Variants in PTPRQ observed in about 807,000 individuals in gnomAD.
PTPRQ encodes the protein phosphatidylinositol phosphatase PTPRQ.
In PTPRQ, 199 loss-of-function variants were observed where a neutral mutation model predicts 246.0. The ratio of observed to expected loss-of-function variants is 0.81; its 90% CI spans 0.72 to 0.91. The LOEUF (loss-of-function observed/expected upper bound fraction) is 0.91, where lower values mean the gene tolerates loss of function less well. PTPRQ is among the 40% of genes least tolerant of loss of function. PTPRQ has a pLI of 0.00. For synonymous variants in PTPRQ, 869 were observed against 853.2 expected, an observed-to-expected ratio of 1.02 and a Z score of -0.32; for missense variants, 2,624 against 2,528.4, an observed-to-expected ratio of 1.04 and a Z score of -0.81.
At chr12:80,503,569 A>G (rs1232460296) in intron 14 of PTPRQ, among the ~76,000 whole-genome samples, 1 of 151,834 alleles carries the variant, frequency 6.6e-6, no homozygotes, top group Non-Finnish European at 1.5e-5. Flanking sequence ...TAGAATACTA[A>G]TAAAAAGTTT....
At chr12:80,501,544 T>C (rs1434480832) in intron 14 of PTPRQ, among the ~76,000 whole-genome samples, 1 of 151,878 alleles carries the variant, frequency 6.6e-6, no homozygotes, top group East Asian at 1.9e-4. Context: ...AATATATAAT[T>C]TGGAGCCTCA....
intron 35 of PTPRQ, among the ~76,000 whole-genome samples, chr12:80,639,888 G>A (rs1350911720): frequency 6.6e-6 from 1 of 152,104 alleles, no homozygotes; most frequent in South Asian, 2.1e-4. Flanking sequence ...CTTAGTGGTA[G>A]GTACACCTAT....
intron 8 of PTPRQ, 34 bp from the exon 9 acceptor site, chr12:80,484,399 C>CT: frequency 7.2e-7 from 1 of 1,397,130 alleles, no homozygotes; most frequent in Non-Finnish European, 9.3e-7. Context: ...TTTTAATTTC[C>CT]CCCTTTTCTT....
intron 7 of PTPRQ, among the ~76,000 whole-genome samples, chr12:80,470,952 T>A (rs1474962085): frequency 6.6e-6 from 1 of 152,170 alleles, no homozygotes; most frequent in South Asian, 2.1e-4. Context: ...TCTGAAAAAC[T>A]AGATTATTTA....
chr12:80,561,928 C>T (rs1370781377), intron 25 of PTPRQ, among the ~76,000 whole-genome samples: 3 of 151,986 alleles, frequency 2.0e-5, no homozygotes, highest in Admixed American at 6.5e-5. Flanking sequence ...TCCTCTTTAT[C>T]GAGTTGAGGA....
chr12:80,484,832 T>G lies in PTPRQ; in HGVS notation c.1359+227T>G, dbSNP rs896737400. On this transcript the variant is annotated intron_variant, in intron 9 of 44. Transcript: ENST00000644991. The stretch of plus-strand genomic sequence containing the variant: ...CTTTTCATCATATGAAAAATGTTAA[T>G]TGTGCAATTAAACAGGACTAAAGGT... Among the ~76,000 whole-genome samples, 63 of 152,168 alleles carry G rather than the reference T, an allele frequency of 4.1e-4. 1 individual carries two copies. Among genetic ancestry groups the G allele is most frequent in the African/African-American group, 1.4e-3 (60 of 41,458 alleles).
intron 19 of PTPRQ, among the ~76,000 whole-genome samples, chr12:80,538,962 C>T (rs536240947): frequency 2.6e-5 from 4 of 152,014 alleles, no homozygotes; most frequent in Non-Finnish European, 5.9e-5. Context: ...ACTTAAATGG[C>T]TTCATGTGGA....
Position 80,519,527 on chromosome 12 carries a change from G to A in PTPRQ, c.2678+9084G>A, listed in dbSNP as rs1254007530. Reference sequence around the variant, plus strand: ...TGTGCCTCCAGCAAAGACCGGAGATGGGCACTTTGAAGGAGGAGGGATCGG... The same window carrying A: ...TGTGCCTCCAGCAAAGACCGGAGATAGGCACTTTGAAGGAGGAGGGATCGG... On this transcript the variant is annotated intron_variant, in intron 17 of 44. Coordinates refer to ENST00000644991, the MANE Select transcript of PTPRQ (RefSeq NM_001145026.2). Among the ~76,000 whole-genome samples the A allele has an allele frequency of 4.6e-5, 7 of 152,258 alleles. No homozygotes were observed. The South Asian group carries it at 1.2e-3, about 27-fold the overall frequency.
chr12:80,647,875 A>G (rs1485452661), intron 35 of PTPRQ, among the ~76,000 whole-genome samples: 1 of 150,476 alleles, frequency 6.6e-6, no homozygotes, highest in Admixed American at 6.6e-5. Context: ...AAGATACAAC[A>G]TCTCTTTCTG....
At chr12:80,494,537 A>T (rs2120649426) in intron 10 of PTPRQ, among the ~76,000 whole-genome samples, 1 of 152,062 alleles carries the variant, frequency 6.6e-6, no homozygotes, top group South Asian at 2.1e-4. Context: ...AAATCCTGGT[A>T]TTGATTTATA....
At chr12:80,673,148 T>C in intron 42 of PTPRQ, 21 bp from the exon 43 acceptor site, 1 of 1,549,036 alleles carries the variant, frequency 6.5e-7, no homozygotes, top group Non-Finnish European at 8.7e-7. Flanking sequence ...ATAATTTTCA[T>C]GTAATTTACC....
intron 26 of PTPRQ, among the ~76,000 whole-genome samples, chr12:80,592,290 C>G (rs917776791): frequency 6.6e-6 from 1 of 152,070 alleles, no homozygotes; most frequent in African/African-American, 2.4e-5. Context: ...TAAATTTTGA[C>G]GATGAGTTGG....
At chr12:80,463,395 T>A (rs545865929) in intron 6 of PTPRQ, among the ~76,000 whole-genome samples, 21 of 152,300 alleles carry the variant, frequency 1.4e-4, no homozygotes, top group African/African-American at 4.3e-4. Flanking sequence ...GTATGATTGG[T>A]ATACCTGAAA....
At chr12:80,469,878 G>A (rs1893569632) in intron 7 of PTPRQ, among the ~76,000 whole-genome samples, 1 of 152,196 alleles carries the variant, frequency 6.6e-6, no homozygotes, top group Middle Eastern at 3.2e-3. Flanking sequence ...GAGGCATGTA[G>A]CAATAATTGC....
intron 17 of PTPRQ, among the ~76,000 whole-genome samples, chr12:80,521,076 C>G (rs1172260942): frequency 2.0e-4 from 31 of 151,994 alleles, no homozygotes; most frequent in Non-Finnish European, 4.1e-4. Flanking sequence ...GATGGTATCT[C>G]ATTGTGGTTT....
chr12:80,493,838 G>A (rs1894526932), intron 10 of PTPRQ, among the ~76,000 whole-genome samples: 1 of 151,954 alleles, frequency 6.6e-6, no homozygotes, highest in Non-Finnish European at 1.5e-5. Context: ...AAGGTAAATA[G>A]GTCAGAAAGT....
chr12:80,631,377 C>T (rs902548519), intron 33 of PTPRQ, among the ~76,000 whole-genome samples: 1 of 151,972 alleles, frequency 6.6e-6, no homozygotes, highest in Non-Finnish European at 1.5e-5. Flanking sequence ...AAAAAAAAAT[C>T]AGTATTTTTG....
chr12:80,619,525 T>C lies in PTPRQ; in HGVS notation c.5372T>C (p.Leu1791Pro). Residue 1791 changes from leucine to proline, a missense_variant, in exon 31 of 45, where the codon CTT becomes CCT. Leu to Pro is a moderately conservative substitution (Grantham distance 98). Transcript: ENST00000644991. ...DHGPIKNVQV[L>P]VTETGAQHDG... ...GGACCAATAAAAAATGTACAAGTGC[T>C]TGTGACAGAAACAGGAGGTATCATC... 1 of 1,534,628 alleles carries C rather than the reference T, an allele frequency of 6.5e-7. No individual in the cohort carries two copies. The highest frequency in any genetic ancestry group is 8.8e-7 in the Non-Finnish European group (1 of 1,137,102).
At chr12:80,678,806 T>A (rs1565856111) in intron 44 of PTPRQ, 81 bp downstream of exon 44, 1 of 1,454,144 alleles carries the variant, frequency 6.9e-7, no homozygotes, top group Non-Finnish European at 9.1e-7. Context: ...TAACCATATG[T>A]TAAAAATGTT....
Sources: gnomAD v4.1 joint callset for allele counts (sites outside exome capture counted in the v4.1 genomes callset) on GRCh38, gnomAD v4.1.1 for gene constraint, MANE v1.5 for transcripts, NCBI Gene and HGNC (gene_info 2026-07-23, HGNC 2026-07-21) for gene names.